Variants in DLC1 observed in about 807,000 individuals in gnomAD.
DLC1 encodes the protein rho GTPase-activating protein 7.
A neutral mutation model predicts 140.3 loss-of-function variants in DLC1; 54 were observed. The observed-to-expected ratio is 0.38, with a 90% CI of 0.31 to 0.48. The LOEUF is 0.48. DLC1 is among the 20% of genes least tolerant of loss of function. The pLI, the probability that DLC1 is intolerant of heterozygous loss-of-function variation, is 0.96. For missense variants in DLC1, 2,536 were observed against 1,907.0 expected (o/e 1.33, Z -6.14); for synonymous variants, 986 against 728.1 (o/e 1.35, Z -5.70).
chr8:13,433,544 T>G (rs542648124), intron 2 of DLC1, among the ~76,000 whole-genome samples: 1 of 152,208 alleles, frequency 6.6e-6, no homozygotes, highest in African/African-American at 2.4e-5. Flanking sequence ...AATCCAACTA[T>G]AAGTTCCACA....
At chr8:13,397,719 T>C (rs1431324045) in intron 3 of DLC1, among the ~76,000 whole-genome samples, 1 of 151,840 alleles carries the variant, frequency 6.6e-6, no homozygotes, top group Non-Finnish European at 1.5e-5. Flanking sequence ...GCTTGTATTC[T>C]CAGCAACTCA....
intron 5 of DLC1, among the ~76,000 whole-genome samples, chr8:13,203,676 T>C (rs1827512149): frequency 6.6e-6 from 1 of 152,162 alleles, no homozygotes; most frequent in African/African-American, 2.4e-5. Flanking sequence ...TACTCGGTTG[T>C]AAACATAGGC....
At chr8:13,280,219 C>A (rs891464512) in intron 5 of DLC1, among the ~76,000 whole-genome samples, 1 of 131,408 alleles carries the variant, frequency 7.6e-6, no homozygotes, top group Non-Finnish European at 1.5e-5. Context: ...ACCCAGGAGG[C>A]GGAGTTTACA....
Position 13,393,626 on chromosome 8 carries a change from G to C in DLC1, c.1241C>G (p.Ser414Cys). The change falls in exon 4 of 18, where the codon TCT (serine) becomes TGT (cysteine). Residue 414 changes from serine to cysteine, a missense_variant. By Grantham distance (112) the Ser-to-Cys change is moderately radical. Transcript: ENST00000276297. ...ISVNQTRVNL[S>C]SDTESTDLPS... Reference sequence around the variant, plus strand: ...GAGGTCCGTGGACTCAGTGTCAGAAGACAAATTTACTCGTGTCTGATTTAC... The same window carrying C: ...GAGGTCCGTGGACTCAGTGTCAGAACACAAATTTACTCGTGTCTGATTTAC... 6.2e-7 allele frequency: 1 copy of C among 1,614,156 alleles called. No homozygotes were observed. The highest frequency in any genetic ancestry group is 1.3e-5 in the African/African-American group (1 of 75,054).
In DLC1 at chr8:13,187,006, G is replaced by T. The variant is rs530094550; in HGVS notation, c.1349-71349C>A. Among the ~76,000 whole-genome samples the T allele has an allele frequency of 2.0e-3, 309 of 152,294 alleles. 1 individual carries two copies. The highest frequency in any genetic ancestry group is 7.3e-3 in the African/African-American group (303 of 41,568). ...AGGCTACAGAAGAGCAAATATTTCA[G>T]AACAGCAAATATTGCTTCCTGATCC... On this transcript the variant is annotated intron_variant, in intron 5 of 17. Transcript: ENST00000276297.
At chr8:13,596,126 G>A (rs548174201) in intron 1 of DLC1, among the ~76,000 whole-genome samples, 3 of 152,002 alleles carry the variant, frequency 2.0e-5, no homozygotes, top group Non-Finnish European at 2.9e-5. Context: ...GATGTAGAGA[G>A]AGTTAACATG....
intron 5 of DLC1, among the ~76,000 whole-genome samples, chr8:13,126,740 A>T (rs1476402836): frequency 6.6e-6 from 1 of 152,202 alleles, no homozygotes; most frequent in Non-Finnish European, 1.5e-5. Flanking sequence ...TCTTTCTTTT[A>T]CATATGTTAG....
At chr8:13,573,720 T>C (rs1320831046) in intron 1 of DLC1, among the ~76,000 whole-genome samples, 2 of 152,224 alleles carry the variant, frequency 1.3e-5, no homozygotes, top group African/African-American at 4.8e-5. Flanking sequence ...TAGTTTGGCA[T>C]ATGCTTAAAT....
rs925126089 is a variant in DLC1 at position 13,401,750 on chromosome 8, A to G, written c.1024-131T>C. The G allele has an allele frequency of 3.4e-6, 4 of 1,167,862 alleles. No homozygotes were observed. The African/African-American group carries it at 4.6e-5, about 13-fold the overall frequency. 72.3% of individuals were successfully genotyped at this position (1,167,862 alleles called of 1,614,324 possible). A position where few individuals can be genotyped will look rare whatever the true frequency, so the allele number is the denominator to read the frequency against. On this transcript the variant is annotated intron_variant, in intron 2 of 17. Transcript: ENST00000276297. Reference sequence around the variant, plus strand: ...AGTCTTTAATTAGAAGAGAAGTTCCATTCTGTATCATCAATGGGCTCTTCA... The same window carrying G: ...AGTCTTTAATTAGAAGAGAAGTTCCGTTCTGTATCATCAATGGGCTCTTCA...
At chr8:13,198,863 T>G (rs958154916) in intron 5 of DLC1, among the ~76,000 whole-genome samples, 1 of 151,978 alleles carries the variant, frequency 6.6e-6, no homozygotes, top group African/African-American at 2.4e-5. Flanking sequence ...ATTACAGATG[T>G]GCACCACCAC....
At chr8:13,500,217 A>T (rs899226350) in intron 1 of DLC1, 21 bp from the exon 2 acceptor site, 6 of 680,300 alleles carry the variant, frequency 8.8e-6, no homozygotes, top group Non-Finnish European at 1.2e-5. Flanking sequence ...ATTCAAAAAA[A>T]TATGTAGTCG....
At chr8:13,162,779 CT>C (rs111500499) in intron 5 of DLC1, among the ~76,000 whole-genome samples, 1 of 152,074 alleles carries the variant, frequency 6.6e-6, no homozygotes, top group East Asian at 1.9e-4. Context: ...GTCTTTACGC[CT>C]CCCCAGCCCC....
chr8:13,423,528 T>G (rs1174761454), intron 2 of DLC1, among the ~76,000 whole-genome samples: 1 of 152,126 alleles, frequency 6.6e-6, no homozygotes, highest in Non-Finnish European at 1.5e-5. Context: ...AAGAATGAAT[T>G]ATAATACTAA....
At chr8:13,200,253 G>A (rs758674847) in intron 5 of DLC1, among the ~76,000 whole-genome samples, 4 of 151,754 alleles carry the variant, frequency 2.6e-5, no homozygotes, top group East Asian at 1.9e-4. Context: ...TAGTAGAGGC[G>A]GGGTTTCACT....
chr8:13,573,365 A>T (rs2117419987), intron 1 of DLC1, among the ~76,000 whole-genome samples: 1 of 152,316 alleles, frequency 6.6e-6, no homozygotes, highest in African/African-American at 2.4e-5. Flanking sequence ...GAAAAGAGAC[A>T]GATTCTTTAG....
In DLC1 at chr8:13,088,612, C is replaced by T; in HGVS notation, c.4167G>A (p.Gln1389=). The change falls in exon 16 of 18, where the codon CAG becomes CAA. Residue 1389 remains glutamine (Q), a synonymous_variant. Transcript: ENST00000276297. ...EEILKRLLKE[Q]HLWDVDLLDS... ...CCAACAGGTCTACATCCCAGAGGTG[C>T]TGTTCTTTAAGTAGGCGCTTTAAGA... 1 of 1,614,166 alleles carries T rather than the reference C, an allele frequency of 6.2e-7. No homozygotes were observed. The highest frequency in any genetic ancestry group is 1.3e-5 in the African/African-American group (1 of 75,042).
intron 4 of DLC1, among the ~76,000 whole-genome samples, chr8:13,309,557 T>A (rs1412209334): frequency 6.6e-6 from 1 of 152,220 alleles, no homozygotes; most frequent in Non-Finnish European, 1.5e-5. Flanking sequence ...ATGAGAGCTT[T>A]TAAAGCTATA....
chr8:13,520,057 C>T (rs1314793334), intron 1 of DLC1, among the ~76,000 whole-genome samples: 1 of 152,180 alleles, frequency 6.6e-6, no homozygotes. Flanking sequence ...TTATGTAAGA[C>T]AGTGTGGCGA....
intron 2 of DLC1, among the ~76,000 whole-genome samples, chr8:13,459,968 C>A (rs1002171990): frequency 6.6e-6 from 1 of 152,166 alleles, no homozygotes; most frequent in South Asian, 2.1e-4. Context: ...CCTGGTTCTT[C>A]TCTGCCTGTG....
Sources: allele counts gnomAD v4.1 joint callset (sites outside exome capture counted in the v4.1 genomes callset), GRCh38; gene constraint gnomAD v4.1.1; transcripts MANE v1.5; gene names NCBI Gene and HGNC (gene_info 2026-07-23, HGNC 2026-07-21).